Variants in BLOC1S6 observed in about 807,000 individuals in gnomAD.
BLOC1S6 encodes biogenesis of lysosomal organelles complex 1 subunit 6.
In BLOC1S6, 24 loss-of-function variants were observed where a neutral mutation model predicts 24.7. The observed-to-expected ratio is 0.97, with a 90% CI of 0.70 to 1.37. BLOC1S6 has a LOEUF of 1.37. BLOC1S6 is among the 40% of genes most tolerant of loss of function. The pLI, the probability that BLOC1S6 is intolerant of heterozygous loss-of-function variation, is 0.00. For synonymous variants in BLOC1S6, 76 were observed against 72.6 expected (o/e 1.05, Z -0.23); for missense variants, 175 against 196.2 (o/e 0.89, Z 0.64).
At chr15:45,603,749 T>G (rs1894349954) in intron 3 of BLOC1S6, among the ~76,000 whole-genome samples, 1 of 152,106 alleles carries the variant, frequency 6.6e-6, no homozygotes, top group Non-Finnish European at 1.5e-5. Flanking sequence ...GAACTGGAAG[T>G]AATGAACCTT....
chr15:45,590,173 T>TTCTC (rs564536818), intron 1 of BLOC1S6, among the ~76,000 whole-genome samples: 62 of 150,108 alleles, frequency 4.1e-4, no homozygotes, highest in African/African-American at 9.0e-4. Flanking sequence ...TGCTTCACTT[T>TTCTC]TCTCTCTCTC....
chr15:45,602,760 A>T (rs1222603685), intron 2 of BLOC1S6, among the ~76,000 whole-genome samples: 3 of 152,214 alleles, frequency 2.0e-5, no homozygotes, highest in Non-Finnish European at 4.4e-5. Context: ...TTTAAGATAT[A>T]TAAAACATTG....
Position 45,587,805 on chromosome 15 carries a change from T to C in BLOC1S6, c.82+280T>C, listed in dbSNP as rs16945094. The C allele has an allele frequency of 6.5e-3, 4,542 of 700,354 alleles. 143 individuals are homozygous for C. In the East Asian group the frequency reaches 0.081, roughly 13 times the overall value. 43.4% of individuals were successfully genotyped at this position (700,354 alleles called of 1,614,324 possible). ...TTTATGTGTTGACTCCGGTACGTCA[T>C]TGGTTATTTGTCATACGGCAGTGGT... On this transcript the variant is annotated intron_variant, in intron 1 of 4. Transcript: ENST00000220531.
At chr15:45,587,222 C>CT (rs1457073532), upstream of BLOC1S6, 17 of 610,420 alleles carry the variant, frequency 2.8e-5, 1 homozygote, top group East Asian at 4.8e-4. Context: ...TCCGCTGACA[C>CT]TGCGTCCGGG....
intron 2 of BLOC1S6, chr15:45,602,455 T>C: frequency 1.7e-6 from 1 of 581,420 alleles, no homozygotes; most frequent in Non-Finnish European, 3.1e-6. Flanking sequence ...GGAAGTTGGC[T>C]TCTCTTCCTC....
intron 4 of BLOC1S6, chr15:45,605,733 G>A: frequency 4.4e-6 from 2 of 452,564 alleles, no homozygotes; most frequent in East Asian, 4.5e-5. Context: ...GGGATTACAG[G>A]TGCCCGCCAC....
intron 1 of BLOC1S6, among the ~76,000 whole-genome samples, chr15:45,589,036 GAA>G (rs1191920601): frequency 6.6e-6 from 1 of 152,162 alleles, no homozygotes; most frequent in African/African-American, 2.4e-5. Flanking sequence ...TTATCCTACA[GAA>G]AGTGACACAA....
intron 2 of BLOC1S6, among the ~76,000 whole-genome samples, chr15:45,594,850 C>T (rs1427798361): frequency 6.6e-6 from 1 of 152,074 alleles, no homozygotes; most frequent in Non-Finnish European, 1.5e-5. Context: ...CTCCCAGAGT[C>T]CTAGGGTTAC....
chr15:45,606,259 C>T (rs1894454939), intron 4 of BLOC1S6, 136 bp from the exon 5 acceptor site: 1 of 1,289,316 alleles, frequency 7.8e-7, no homozygotes. Context: ...TTAAATTATC[C>T]CAAATTTAAA....
At chr15:45,596,583 T>C (rs1894085991) in intron 2 of BLOC1S6, among the ~76,000 whole-genome samples, 1 of 152,234 alleles carries the variant, frequency 6.6e-6, no homozygotes, top group South Asian at 2.1e-4. Flanking sequence ...TGTGTAGGTT[T>C]ATTTAATAAG....
intron 3 of BLOC1S6, among the ~76,000 whole-genome samples, chr15:45,603,421 G>T (rs1236036366): frequency 6.6e-6 from 1 of 152,166 alleles, no homozygotes; most frequent in African/African-American, 2.4e-5. Context: ...TTAGAAAAGA[G>T]AACTTAGACT....
chr15:45,589,416 T>C (rs970249896), intron 1 of BLOC1S6, among the ~76,000 whole-genome samples: 2 of 152,226 alleles, frequency 1.3e-5, no homozygotes, highest in Admixed American at 1.3e-4. Context: ...TTTAAGTTTT[T>C]ACAGTGAGTA....
rs1233970088 is a variant in BLOC1S6, at chr15:45,604,773, CCTT to C, written c.313-652_313-650del. 3.9e-5 allele frequency among the ~76,000 whole-genome samples: 6 copies of C among 152,180 alleles called. No homozygotes were observed. The East Asian group carries it at 1.2e-3, about 29-fold the overall frequency. On this transcript the variant is annotated intron_variant, in intron 3 of 4. Coordinates refer to ENST00000220531, the MANE Select transcript of BLOC1S6 (RefSeq NM_012388.4). ...TTGTCTGAAAATAGGGTGCTTTTCT[CCTT>C]CTCTCTGACATCTCTAGGCTTGCAT...
intron 1 of BLOC1S6, among the ~76,000 whole-genome samples, chr15:45,589,896 C>G (rs1457552752): frequency 6.6e-6 from 1 of 152,068 alleles, no homozygotes; most frequent in Non-Finnish European, 1.5e-5. Flanking sequence ...CAATAATTAA[C>G]CAGAACATTG....
intron 1 of BLOC1S6, among the ~76,000 whole-genome samples, chr15:45,588,399 G>A (rs939175126): frequency 1.3e-5 from 2 of 152,194 alleles, no homozygotes; most frequent in African/African-American, 4.8e-5. Flanking sequence ...CTAATCTCAC[G>A]TAAGGCATGT....
At chr15:45,590,446 C>T (rs1359303750) in intron 1 of BLOC1S6, among the ~76,000 whole-genome samples, 5 of 144,014 alleles carry the variant, frequency 3.5e-5, no homozygotes, top group Non-Finnish European at 6.0e-5. Flanking sequence ...CTTGCTCTGT[C>T]GCCCAGGCTG....
intron 3 of BLOC1S6, among the ~76,000 whole-genome samples, chr15:45,604,003 T>A (rs1894358230): frequency 6.6e-6 from 1 of 152,192 alleles, no homozygotes; most frequent in African/African-American, 2.4e-5. Context: ...CTCTGTATTA[T>A]AAGAAACAAG....
At chr15:45,591,923 C>A in intron 1 of BLOC1S6, 2 of 551,660 alleles carry the variant, frequency 3.6e-6, no homozygotes, top group South Asian at 4.2e-5. Context: ...CATTTGTGGG[C>A]TCCTTTCTAC....
intron 2 of BLOC1S6, chr15:45,602,340 C>T (rs767315630): frequency 1.5e-6 from 1 of 677,880 alleles, no homozygotes; most frequent in South Asian, 1.6e-5. Context: ...AAGCAAATGA[C>T]ATATTTTTCT....
Sources: allele counts gnomAD v4.1 joint callset (sites outside exome capture counted in the v4.1 genomes callset), GRCh38; gene constraint gnomAD v4.1.1; transcripts MANE v1.5; gene names NCBI Gene and HGNC (gene_info 2026-07-23, HGNC 2026-07-21).